Variants in AFG2A observed in about 807,000 individuals in gnomAD.
AFG2A encodes the protein ATPase family gene 2 protein homolog A.
chr4:123,289,075 G>T, the AFG2A span, among the ~76,000 whole-genome samples: 144 of 152,186 alleles, frequency 9.5e-4, no homozygotes, highest in African/African-American at 3.4e-3. Flanking sequence ...TGGATAAATT[G>T]TATAGTGGTG....
the AFG2A span, among the ~76,000 whole-genome samples, chr4:123,220,613 CAA>C: frequency 1.7e-4 from 7 of 41,754 alleles, no homozygotes; most frequent in East Asian, 7.6e-4. Flanking sequence ...GACTCCAACT[CAA>C]AAAAAAAAAA....
At chr4:123,209,867 C>A in the AFG2A span, among the ~76,000 whole-genome samples, 1 of 152,092 alleles carries the variant, frequency 6.6e-6, no homozygotes, top group Non-Finnish European at 1.5e-5. Context: ...AACTGTATCT[C>A]TTGTCCTTTG....
chr4:123,119,111 T>G, the AFG2A span, among the ~76,000 whole-genome samples: 2 of 152,154 alleles, frequency 1.3e-5, no homozygotes, highest in Non-Finnish European at 2.9e-5. Context: ...CTTTATTGAA[T>G]CTTTCCTATT....
At chr4:123,118,357 A>ATAT in the AFG2A span, among the ~76,000 whole-genome samples, 1 of 135,116 alleles carries the variant, frequency 7.4e-6, no homozygotes, top group East Asian at 2.0e-4. Context: ...TATATATTAT[A>ATAT]TATATATATA....
the AFG2A span, among the ~76,000 whole-genome samples, chr4:122,990,708 C>T: frequency 1.3e-5 from 2 of 152,158 alleles, no homozygotes; most frequent in South Asian, 4.1e-4. Context: ...CCTGACTCAG[C>T]CTTCTGAGCA....
chr4:123,224,906 A>G, the AFG2A span, among the ~76,000 whole-genome samples: 7 of 152,246 alleles, frequency 4.6e-5, no homozygotes, highest in African/African-American at 1.7e-4. Context: ...CGCCATTCTA[A>G]CTGTTGTGAG....
chr4:122,989,334 T>A, the AFG2A span, among the ~76,000 whole-genome samples: 1 of 152,260 alleles, frequency 6.6e-6, no homozygotes, highest in Non-Finnish European at 1.5e-5. Context: ...TCTTGGTTTG[T>A]TGTCTGGGTC....
the AFG2A span, among the ~76,000 whole-genome samples, chr4:122,999,390 A>G: frequency 1.3e-5 from 2 of 151,874 alleles, no homozygotes; most frequent in African/African-American, 2.4e-5. Flanking sequence ...GCCCATGCCT[A>G]TGTCCTGCAT....
At chr4:123,305,960 T>A in the AFG2A span, among the ~76,000 whole-genome samples, 21 of 152,360 alleles carry the variant, frequency 1.4e-4, no homozygotes, top group African/African-American at 4.8e-4. Flanking sequence ...TAATTAGATT[T>A]CCCAAGGTTC....
the AFG2A span, among the ~76,000 whole-genome samples, chr4:123,025,425 G>C: frequency 5.7e-3 from 875 of 152,300 alleles, 5 homozygotes; most frequent in Middle Eastern, 0.034. Flanking sequence ...ATTTTGGGGA[G>C]AGTTGATTGA....
the AFG2A span, among the ~76,000 whole-genome samples, chr4:123,189,809 CTT>C: frequency 2.3e-4 from 14 of 61,768 alleles, no homozygotes; most frequent in Middle Eastern, 0.026. Context: ...AGGTCATTTG[CTT>C]TTTTTTTTTT....
At chr4:123,077,112 A>G in the AFG2A span, among the ~76,000 whole-genome samples, 2 of 143,798 alleles carry the variant, frequency 1.4e-5, no homozygotes, top group Non-Finnish European at 3.0e-5. Flanking sequence ...CAGTGGCGCG[A>G]TCTCAGCTCA....
chr4:123,151,016 G>A, the AFG2A span, among the ~76,000 whole-genome samples: 1 of 152,156 alleles, frequency 6.6e-6, no homozygotes, highest in South Asian at 2.1e-4. Flanking sequence ...CAAGCAATGG[G>A]GAAAGGATTC....
At chr4:123,018,899 C>G in the AFG2A span, among the ~76,000 whole-genome samples, 1 of 151,346 alleles carries the variant, frequency 6.6e-6, no homozygotes, top group Non-Finnish European at 1.5e-5. Flanking sequence ...ATTATCATAG[C>G]CATAGAAAGA....
chr4:123,058,602 G>A, the AFG2A span, among the ~76,000 whole-genome samples: 1 of 152,126 alleles, frequency 6.6e-6, no homozygotes, highest in East Asian at 1.9e-4. Context: ...TCCACCCTGG[G>A]CAACAAGAGC....
the AFG2A span, among the ~76,000 whole-genome samples, chr4:123,089,986 A>G: frequency 6.6e-6 from 1 of 152,228 alleles, no homozygotes; most frequent in Non-Finnish European, 1.5e-5. Flanking sequence ...TGGACTTGGT[A>G]CGTAAACCAA....
the AFG2A span, among the ~76,000 whole-genome samples, chr4:123,045,546 AG>A: frequency 6.6e-6 from 1 of 152,166 alleles, no homozygotes; most frequent in Non-Finnish European, 1.5e-5. Flanking sequence ...TGTAGATTAC[AG>A]GGTAGTTATT....
the AFG2A span, among the ~76,000 whole-genome samples, chr4:123,225,536 T>C: frequency 6.6e-6 from 1 of 152,230 alleles, no homozygotes; most frequent in Non-Finnish European, 1.5e-5. Context: ...TGTGGCATTA[T>C]TTCTGAGGGC....
chr4:123,176,519 A>T, the AFG2A span, among the ~76,000 whole-genome samples: 1 of 152,220 alleles, frequency 6.6e-6, no homozygotes, highest in African/African-American at 2.4e-5. Context: ...AGACATAATA[A>T]ATAAAACAGT....
Sources: allele counts gnomAD v4.1 joint callset (sites outside exome capture counted in the v4.1 genomes callset), GRCh38; gene constraint gnomAD v4.1.1; transcripts MANE v1.5; gene names NCBI Gene and HGNC (gene_info 2026-07-23, HGNC 2026-07-21).